DRGX: variants seen among roughly 807,000 people sequenced by gnomAD.
DRGX encodes dorsal root ganglia homeobox, also known as dorsal root ganglia homeobox protein.
Under a neutral mutation model 28.6 loss-of-function variants are expected in DRGX, and 21 were observed. The ratio of observed to expected loss-of-function variants is 0.73; its 90% CI spans 0.52 to 1.06. The LOEUF is 1.06. Ranked by LOEUF, DRGX falls within the 50% of genes least tolerant of loss-of-function variation. The pLI, the probability that DRGX is intolerant of heterozygous loss-of-function variation, is 0.00. For synonymous variants in DRGX, 136 were observed against 139.1 expected, an observed-to-expected ratio of 0.98 and a Z score of 0.16; for missense variants, 354 against 343.9, an observed-to-expected ratio of 1.03 and a Z score of -0.23.
At chr10:49,366,565 G>A (rs930898917) in intron 6 of DRGX, among the ~76,000 whole-genome samples, 184 bp from the exon 7 acceptor site, 3 of 152,216 alleles carry the variant, frequency 2.0e-5, no homozygotes, top group Admixed American at 6.5e-5. Context: ...CTAGTTAATC[G>A]TTCAAAGGAT....
chr10:49,392,924 C>T (rs934612624), intron 2 of DRGX, among the ~76,000 whole-genome samples: 1 of 151,774 alleles, frequency 6.6e-6, no homozygotes, highest in African/African-American at 2.4e-5. Context: ...ATAAAGACAC[C>T]CAGTACAGAT....
rs1390248626 is a variant in DRGX at position 49,364,094 on chromosome 10, G to C, written c.*2022C>G. The C allele has an allele frequency of 1.3e-5, 2 of 152,100 alleles. No individual in the cohort carries two copies. The highest frequency in any genetic ancestry group is 1.9e-4 in the East Asian group (1 of 5,194). 9.4% of individuals were successfully genotyped at this position (152,100 alleles called of 1,614,324 possible). A position where few individuals can be genotyped will look rare whatever the true frequency, so the allele number is the denominator to read the frequency against. ...GTTTTAACTCCTCTAAATTTATTTGGGTATTTAAACAAACAGAAACTACAT... is the reference window on the plus strand; with the variant it reads ...GTTTTAACTCCTCTAAATTTATTTGCGTATTTAAACAAACAGAAACTACAT... On this transcript the variant is annotated 3_prime_UTR_variant, in exon 7 of 7. Coordinates refer to ENST00000374139, the MANE Select transcript of DRGX (RefSeq NM_001276451.2).
At chr10:49,371,970 C>G (rs530441314) in intron 6 of DRGX, among the ~76,000 whole-genome samples, 108 of 152,252 alleles carry the variant, frequency 7.1e-4, no homozygotes, top group Admixed American at 2.1e-3. Flanking sequence ...GTGGCAGACA[C>G]ATTGATGGTT....
intron 6 of DRGX, among the ~76,000 whole-genome samples, chr10:49,377,016 C>T (rs1029667867): frequency 2.6e-5 from 4 of 152,196 alleles, no homozygotes; most frequent in African/African-American, 9.7e-5. Context: ...GCTAGATGCT[C>T]AACCTGTGGT....
At chr10:49,374,896 G>C (rs1445736886) in intron 6 of DRGX, among the ~76,000 whole-genome samples, 1 of 152,164 alleles carries the variant, frequency 6.6e-6, no homozygotes, top group Non-Finnish European at 1.5e-5. Flanking sequence ...AACAGAAAAT[G>C]AATACATGGA....
intron 6 of DRGX, among the ~76,000 whole-genome samples, chr10:49,367,051 A>G (rs1849609118): frequency 6.6e-6 from 1 of 152,238 alleles, no homozygotes; most frequent in Non-Finnish European, 1.5e-5. Context: ...AGAAAGGAAT[A>G]GTGGCTATTT....
At chr10:49,387,682 G>A (rs1849855650) in intron 4 of DRGX, among the ~76,000 whole-genome samples, 1 of 149,636 alleles carries the variant, frequency 6.7e-6, no homozygotes, top group African/African-American at 2.5e-5. Context: ...AAAAAAGACA[G>A]AAAGAAAAGA....
chr10:49,384,566 G>A (rs1370454779), intron 6 of DRGX, among the ~76,000 whole-genome samples: 1 of 152,226 alleles, frequency 6.6e-6, no homozygotes, highest in Non-Finnish European at 1.5e-5. Context: ...TCACAGCCCA[G>A]CCAGAAGGGC....
chr10:49,391,295 AG>A, intron 2 of DRGX, 34 bp from the exon 3 acceptor site: 1 of 1,591,050 alleles, frequency 6.3e-7, no homozygotes, highest in South Asian at 1.1e-5. Flanking sequence ...CTGGGCAGGA[AG>A]GGGCCCCAGT....
intron 4 of DRGX, among the ~76,000 whole-genome samples, chr10:49,387,571 G>C (rs1849853534): frequency 6.6e-6 from 1 of 150,646 alleles, no homozygotes; most frequent in Non-Finnish European, 1.5e-5. Context: ...GCTGAGGCAA[G>C]ATAATCACTT....
intron 3 of DRGX, 57 bp from the exon 4 acceptor site, chr10:49,390,291 A>G: frequency 7.0e-7 from 1 of 1,435,924 alleles, no homozygotes; most frequent in Non-Finnish European, 9.5e-7. Flanking sequence ...GAGGGGAAGC[A>G]GATGCATATT....
intron 2 of DRGX, among the ~76,000 whole-genome samples, chr10:49,393,090 GA>G (rs35355052): frequency 6.8e-5 from 10 of 147,766 alleles, no homozygotes; most frequent in East Asian, 5.9e-4. Flanking sequence ...TGCCAAAATA[GA>G]AAAAAAAAGT....
intron 6 of DRGX, among the ~76,000 whole-genome samples, chr10:49,377,577 T>C (rs1394059935): frequency 6.6e-6 from 1 of 152,234 alleles, no homozygotes; most frequent in African/African-American, 2.4e-5. Context: ...TCTGCTTTTA[T>C]ACTCTTGGTA....
At chr10:49,386,942 C>A in intron 4 of DRGX, 84 bp from the exon 5 acceptor site, 1 of 1,444,868 alleles carries the variant, frequency 6.9e-7, no homozygotes, top group Non-Finnish European at 9.1e-7. Flanking sequence ...CTGGCACTCA[C>A]AGCTCACCCT....
chr10:49,378,071 C>G (rs1244940287), intron 6 of DRGX, among the ~76,000 whole-genome samples: 1 of 151,856 alleles, frequency 6.6e-6, no homozygotes, highest in Admixed American at 6.6e-5. Context: ...AAAAAAGAAT[C>G]AATATAATTC....
chr10:49,381,643 G>A (rs896695793), intron 6 of DRGX, among the ~76,000 whole-genome samples: 5 of 152,220 alleles, frequency 3.3e-5, no homozygotes, highest in African/African-American at 2.4e-5. Flanking sequence ...TAATGCTCTC[G>A]GCGGTGCCCC....
At chr10:49,393,247 C>A (rs1358588610) in intron 2 of DRGX, among the ~76,000 whole-genome samples, 1 of 152,016 alleles carries the variant, frequency 6.6e-6, no homozygotes, top group Non-Finnish European at 1.5e-5. Context: ...AACAAATCTC[C>A]AAGATATATT....
chr10:49,393,447 G>A (rs1034309077), intron 2 of DRGX, among the ~76,000 whole-genome samples: 11 of 152,212 alleles, frequency 7.2e-5, no homozygotes, highest in African/African-American at 2.2e-4. Context: ...CAATGTATAA[G>A]TTTCTGTTGT....
chr10:49,395,694 A>C (rs1849961061), intron 1 of DRGX, among the ~76,000 whole-genome samples, 173 bp from the exon 2 acceptor site: 2 of 152,158 alleles, frequency 1.3e-5, no homozygotes, highest in Admixed American at 1.3e-4. Flanking sequence ...CCCACAGGGC[A>C]GTCCTTCGGG....
Sources: allele counts gnomAD v4.1 joint callset (sites outside exome capture counted in the v4.1 genomes callset), GRCh38; gene constraint gnomAD v4.1.1; transcripts MANE v1.5; gene names NCBI Gene and HGNC (gene_info 2026-07-23, HGNC 2026-07-21).